UBE2G1: variants seen among roughly 807,000 people sequenced by gnomAD.
UBE2G1 encodes the protein ubiquitin conjugating enzyme E2 G1.
Under a neutral mutation model 22.7 loss-of-function variants are expected in UBE2G1, and 5 were observed. That is an observed-to-expected ratio of 0.22 (90% CI 0.12 to 0.46). The LOEUF (loss-of-function observed/expected upper bound fraction) is 0.46. UBE2G1 is among the 20% of genes least tolerant of loss of function. The pLI is 0.99. For synonymous variants in UBE2G1, 74 were observed against 67.5 expected, an observed-to-expected ratio of 1.10 and a Z score of -0.47; for missense variants, 88 against 203.9, an observed-to-expected ratio of 0.43 and a Z score of 3.46.
chr17:4,347,469 C>CTTTTTCTTTTTTTTT (rs1644069509), intron 1 of UBE2G1, among the ~76,000 whole-genome samples: 1 of 89,556 alleles, frequency 1.1e-5, no homozygotes, highest in South Asian at 4.2e-4. Flanking sequence ...AGTATTTCTT[C>CTTTTTCTTTTTTTTT]TTTTTTTTTT....
chr17:4,359,597 G>A (rs188681779), intron 1 of UBE2G1, among the ~76,000 whole-genome samples: 2 of 152,256 alleles, frequency 1.3e-5, no homozygotes, highest in South Asian at 2.1e-4. Context: ...TAGACCGGGC[G>A]CGATGGCTCA....
At chr17:4,351,412 T>C (rs1969843615) in intron 1 of UBE2G1, among the ~76,000 whole-genome samples, 1 of 152,246 alleles carries the variant, frequency 6.6e-6, no homozygotes, top group East Asian at 1.9e-4. Context: ...CTGCTGCACC[T>C]GCAAGAGTTA....
At chr17:4,337,653 C>CA (rs1232841786) in intron 1 of UBE2G1, among the ~76,000 whole-genome samples, 941 of 88,838 alleles carry the variant, frequency 0.011, 2 homozygotes, top group African/African-American at 0.013. Context: ...AACTCGGTCT[C>CA]AAAAAAAAAA....
chr17:4,315,818 C>T (rs867636360), intron 1 of UBE2G1, among the ~76,000 whole-genome samples: 2,555 of 91,180 alleles, frequency 0.028, 111 homozygotes, highest in African/African-American at 0.11. Flanking sequence ...TTTTTTTTTT[C>T]CTCCCTGAGA....
chr17:4,273,549 AC>A (rs1185190936), intron 5 of UBE2G1, among the ~76,000 whole-genome samples: 2 of 152,010 alleles, frequency 1.3e-5, no homozygotes, highest in Admixed American at 6.6e-5. Flanking sequence ...TCACCACGTC[AC>A]CCAGGCTGGT....
chr17:4,353,532 T>A (rs1206680994), intron 1 of UBE2G1, among the ~76,000 whole-genome samples: 1 of 150,912 alleles, frequency 6.6e-6, no homozygotes, highest in African/African-American at 2.4e-5. Context: ...CAGAGTCTTG[T>A]TCTGTCACCA....
At chr17:4,291,176 C>A (rs1045272203) in intron 3 of UBE2G1, among the ~76,000 whole-genome samples, 1 of 152,110 alleles carries the variant, frequency 6.6e-6, no homozygotes, top group African/African-American at 2.4e-5. Flanking sequence ...GCCTGGCCAA[C>A]ATGGAGAAAT....
intron 1 of UBE2G1, among the ~76,000 whole-genome samples, chr17:4,307,420 C>T (rs1487827616): frequency 6.6e-6 from 1 of 152,170 alleles, no homozygotes; most frequent in Non-Finnish European, 1.5e-5. Flanking sequence ...TGCAGATATC[C>T]AGGCCCGTCC....
chr17:4,298,229 G>T (rs368888126), intron 2 of UBE2G1, among the ~76,000 whole-genome samples: 5 of 152,304 alleles, frequency 3.3e-5, no homozygotes, highest in South Asian at 2.1e-4. Context: ...AGAGGCTGAG[G>T]GGGGAAGGAT....
chr17:4,318,986 C>T (rs1053779227), intron 1 of UBE2G1, among the ~76,000 whole-genome samples: 12 of 152,124 alleles, frequency 7.9e-5, no homozygotes, highest in African/African-American at 2.7e-4. Flanking sequence ...AACAGGAGAC[C>T]TTAAAGGAAA....
intron 1 of UBE2G1, among the ~76,000 whole-genome samples, chr17:4,327,568 G>C (rs1969516790): frequency 6.6e-6 from 1 of 152,136 alleles, no homozygotes; most frequent in Non-Finnish European, 1.5e-5. Flanking sequence ...GATAAAGAGG[G>C]ATGAGGAGTT....
Position 4,360,844 on chromosome 17 carries a change from G to A in UBE2G1, c.46+5427C>T, listed in dbSNP as rs564285693. ...GAGAATCACTTGAACCTGGGGAGGC[G>A]GAGGTTGTGGTGAGCCTAGATCATG... On this transcript the variant is annotated intron_variant, in intron 1 of 5. Transcript: ENST00000396981. Among the ~76,000 whole-genome samples the A allele has an allele frequency of 5.3e-5, 8 of 152,298 alleles. No homozygotes were observed. In the East Asian group the frequency reaches 1.2e-3, roughly 22 times the overall value.
At chr17:4,359,278 C>G (rs1446752765) in intron 1 of UBE2G1, among the ~76,000 whole-genome samples, 2 of 152,040 alleles carry the variant, frequency 1.3e-5, no homozygotes, top group African/African-American at 4.8e-5. Flanking sequence ...AATTTAAGGT[C>G]TTTGTTTTTT....
intron 2 of UBE2G1, among the ~76,000 whole-genome samples, chr17:4,299,900 C>T (rs1261250949): frequency 6.7e-6 from 1 of 149,274 alleles, no homozygotes; most frequent in Non-Finnish European, 1.5e-5. Context: ...GATCTCGGCT[C>T]ACTGCAAGCT....
At chr17:4,314,604 TTTC>T (rs1969346324) in intron 1 of UBE2G1, among the ~76,000 whole-genome samples, 1 of 152,172 alleles carries the variant, frequency 6.6e-6, no homozygotes, top group African/African-American at 2.4e-5. Context: ...TCAAATGAGG[TTTC>T]TCTCTATAAA....
At chr17:4,336,070 C>T (rs1419809776) in intron 1 of UBE2G1, among the ~76,000 whole-genome samples, 1 of 151,972 alleles carries the variant, frequency 6.6e-6, no homozygotes. Flanking sequence ...CGCTTGAACC[C>T]GGGAGGTGGA....
intron 1 of UBE2G1, among the ~76,000 whole-genome samples, chr17:4,310,285 C>T (rs1338330492): frequency 1.3e-5 from 2 of 152,172 alleles, no homozygotes; most frequent in Admixed American, 6.5e-5. Flanking sequence ...ACTTGACCAA[C>T]ATCGGCTCCT....
intron 1 of UBE2G1, among the ~76,000 whole-genome samples, chr17:4,311,539 AAG>A (rs1969309943): frequency 6.6e-6 from 1 of 152,252 alleles, no homozygotes. Flanking sequence ...CAGACATATA[AAG>A]TCACATGTTA....
intron 1 of UBE2G1, among the ~76,000 whole-genome samples, chr17:4,363,029 G>A (rs1969987118): frequency 6.6e-6 from 1 of 152,144 alleles, no homozygotes; most frequent in South Asian, 2.1e-4. Flanking sequence ...GGCCGAGGCA[G>A]GAGAATCACT....
Sources: allele counts gnomAD v4.1 joint callset (sites outside exome capture counted in the v4.1 genomes callset), GRCh38; gene constraint gnomAD v4.1.1; transcripts MANE v1.5; gene names NCBI Gene and HGNC (gene_info 2026-07-23, HGNC 2026-07-21).